Variants in SHISA9 observed in about 807,000 individuals in gnomAD.
SHISA9 encodes protein shisa-9.
Under a neutral mutation model 38.0 loss-of-function variants are expected in SHISA9, and 13 were observed. The observed-to-expected ratio is 0.34, with a 90% CI of 0.22 to 0.54. The LOEUF (loss-of-function observed/expected upper bound fraction) is 0.54, where lower values mean the gene tolerates loss of function less well. Ranked by LOEUF, SHISA9 falls within the 20% of genes least tolerant of loss-of-function variation. The probability of loss-of-function intolerance (pLI) is 0.91; values close to 1 mark genes in which losing one functional copy is unlikely to be tolerated. For missense variants in SHISA9, 538 were observed against 575.8 expected (o/e 0.93, Z 0.67); for synonymous variants, 275 against 242.0 (o/e 1.14, Z -1.27).
the SHISA9 span, among the ~76,000 whole-genome samples, chr16:13,318,450 C>G: frequency 6.6e-6 from 1 of 152,132 alleles, no homozygotes; most frequent in Non-Finnish European, 1.5e-5. Context: ...AGCATCCTGA[C>G]TGAGTAGCTG....
intron 4 of SHISA9, among the ~76,000 whole-genome samples, chr16:13,234,038 T>G (rs1349881836): frequency 6.6e-6 from 1 of 152,098 alleles, no homozygotes; most frequent in Non-Finnish European, 1.5e-5. Context: ...AAGAAAACAT[T>G]TTTAGAATTA....
chr16:12,978,777 G>A (rs1014441731), intron 2 of SHISA9, among the ~76,000 whole-genome samples: 5 of 152,140 alleles, frequency 3.3e-5, no homozygotes, highest in East Asian at 1.9e-4. Flanking sequence ...TAACAGAACC[G>A]CTTCCTTAAA....
At chr16:13,543,614 C>T in the SHISA9 span, among the ~76,000 whole-genome samples, 1 of 152,104 alleles carries the variant, frequency 6.6e-6, no homozygotes, top group East Asian at 1.9e-4. Context: ...GTGCTGTTTC[C>T]ACCAGTGATG....
the SHISA9 span, among the ~76,000 whole-genome samples, chr16:13,345,503 A>G: frequency 6.6e-6 from 1 of 152,172 alleles, no homozygotes; most frequent in Admixed American, 6.5e-5. Context: ...AATCCAGTCT[A>G]TCACTGATGG....
chr16:13,327,327 A>C, the SHISA9 span, among the ~76,000 whole-genome samples: 1 of 152,068 alleles, frequency 6.6e-6, no homozygotes, highest in Non-Finnish European at 1.5e-5. Flanking sequence ...AGCTCATGAA[A>C]AGGCATAGCC....
intron 2 of SHISA9, among the ~76,000 whole-genome samples, chr16:12,941,291 C>T (rs987447058): frequency 6.6e-6 from 1 of 152,150 alleles, no homozygotes; most frequent in Admixed American, 6.5e-5. Context: ...GCGGAGGCTA[C>T]AGTAAGCCAA....
intron 2 of SHISA9, among the ~76,000 whole-genome samples, chr16:13,140,307 G>A (rs2050391181): frequency 6.6e-6 from 1 of 151,836 alleles, no homozygotes; most frequent in African/African-American, 2.4e-5. Context: ...CTCCTGAGTA[G>A]CTAGGGTCAC....
chr16:13,156,037 G>A (rs1189643976), intron 2 of SHISA9, among the ~76,000 whole-genome samples: 1 of 152,204 alleles, frequency 6.6e-6, no homozygotes, highest in African/African-American at 2.4e-5. Context: ...AACGCAAGCT[G>A]GGTGTCTGCT....
At chr16:13,206,885 G>A (rs1393961121) in intron 3 of SHISA9, among the ~76,000 whole-genome samples, 2 of 152,230 alleles carry the variant, frequency 1.3e-5, no homozygotes, top group African/African-American at 2.4e-5. Context: ...AGGGATGAGG[G>A]CTGTTACCTA....
At chr16:13,462,936 T>G in the SHISA9 span, among the ~76,000 whole-genome samples, 1 of 151,942 alleles carries the variant, frequency 6.6e-6, no homozygotes, top group Non-Finnish European at 1.5e-5. Flanking sequence ...CACTCCAGCC[T>G]GAGCGACAGA....
At chr16:13,333,959 C>A in the SHISA9 span, among the ~76,000 whole-genome samples, 1 of 152,174 alleles carries the variant, frequency 6.6e-6, no homozygotes, top group Non-Finnish European at 1.5e-5. Context: ...GTAACTACAG[C>A]CACGGAAGCT....
the SHISA9 span, among the ~76,000 whole-genome samples, chr16:13,462,755 A>G: frequency 6.6e-6 from 1 of 152,136 alleles, no homozygotes; most frequent in Non-Finnish European, 1.5e-5. Flanking sequence ...TGAAGTCAGA[A>G]GTTCGAGACC....
the SHISA9 span, among the ~76,000 whole-genome samples, chr16:13,302,876 C>T: frequency 9.7e-3 from 1,481 of 152,194 alleles, 23 homozygotes; most frequent in African/African-American, 0.032. Context: ...TGAGTTCTGA[C>T]GAGATCTGAT....
the SHISA9 span, among the ~76,000 whole-genome samples, chr16:13,281,088 A>G: frequency 1.3e-5 from 2 of 151,846 alleles, no homozygotes; most frequent in South Asian, 2.1e-4. Context: ...CTCATTCAAT[A>G]TAACTTAATT....
intron 2 of SHISA9, among the ~76,000 whole-genome samples, chr16:13,175,853 G>C (rs1187410505): frequency 1.3e-5 from 2 of 152,056 alleles, no homozygotes; most frequent in African/African-American, 4.8e-5. Flanking sequence ...GCTTTCCTTA[G>C]AACGTCACAT....
At chr16:12,990,606 C>G (rs1029334880) in intron 2 of SHISA9, among the ~76,000 whole-genome samples, 5 of 152,144 alleles carry the variant, frequency 3.3e-5, no homozygotes, top group African/African-American at 9.7e-5. Flanking sequence ...CAGGTTTTGC[C>G]TCCTGGGGGA....
chr16:13,469,365 A>AAGAAAGAAAGAAAGAAAAGAAAAAGAAAG, the SHISA9 span, among the ~76,000 whole-genome samples: 18 of 64,518 alleles, frequency 2.8e-4, no homozygotes, highest in South Asian at 5.0e-4. Context: ...AAAGAAAAGA[A>AAGAAAGAAAGAAAGAAAAGAAAAAGAAAG]AAAGAAAGAA....
rs914334701 is a variant in SHISA9 at position 13,235,471 on chromosome 16, C to T, written c.*62C>T. The T allele has an allele frequency of 8.2e-6, 12 of 1,464,638 alleles. No individual in the cohort carries two copies. The highest frequency in any genetic ancestry group is 2.8e-5 in the South Asian group (2 of 72,270). 90.7% of individuals were successfully genotyped at this position (1,464,638 alleles called of 1,614,324 possible). ...AACTGAGAGAGGCAAAAAACAACCC[C>T]GCCCACACCCTCCCCATCCTCCCCT... On this transcript the variant is annotated 3_prime_UTR_variant, in exon 5 of 5. Coordinates refer to ENST00000558583, the MANE Select transcript of SHISA9 (RefSeq NM_001145204.3).
chr16:13,154,881 A>G (rs1383791461), intron 2 of SHISA9, among the ~76,000 whole-genome samples: 1 of 152,218 alleles, frequency 6.6e-6, no homozygotes, highest in African/African-American at 2.4e-5. Flanking sequence ...ATGTTTTGTC[A>G]GGGTTGTTTC....
Sources: allele counts gnomAD v4.1 joint callset (sites outside exome capture counted in the v4.1 genomes callset), GRCh38; gene constraint gnomAD v4.1.1; transcripts MANE v1.5; gene names NCBI Gene and HGNC (gene_info 2026-07-23, HGNC 2026-07-21).